CNTNAP5: variants seen among roughly 807,000 people sequenced by gnomAD.
CNTNAP5 encodes the protein contactin-associated protein-like 5.
Under a neutral mutation model 150.2 loss-of-function variants are expected in CNTNAP5, and 72 were observed. That is an observed-to-expected ratio of 0.48 (90% CI 0.40 to 0.58). The LOEUF (loss-of-function observed/expected upper bound fraction) is 0.58, where lower values mean the gene tolerates loss of function less well. CNTNAP5 is among the 20% of genes least tolerant of loss of function. CNTNAP5 has a pLI of 0.00. For missense variants in CNTNAP5, 1,636 were observed against 1,626.2 expected, an observed-to-expected ratio of 1.01 and a Z score of -0.10; for synonymous variants, 672 against 619.8, an observed-to-expected ratio of 1.08 and a Z score of -1.25.
chr2:124,341,540 G>A (rs1417198192), intron 3 of CNTNAP5, among the ~76,000 whole-genome samples: 4 of 152,150 alleles, frequency 2.6e-5, no homozygotes, highest in Non-Finnish European at 2.9e-5. Flanking sequence ...TCTGGGACTA[G>A]GTTGGTCCAA....
At chr2:124,656,317 G>A (rs73953151) in intron 13 of CNTNAP5, among the ~76,000 whole-genome samples, 2,011 of 152,208 alleles carry the variant, frequency 0.013, 45 homozygotes, top group African/African-American at 0.045. Flanking sequence ...AATTCATGTT[G>A]GAAATGGGTT....
At chr2:124,314,168 T>C (rs1211140799) in intron 3 of CNTNAP5, among the ~76,000 whole-genome samples, 2 of 152,176 alleles carry the variant, frequency 1.3e-5, no homozygotes, top group East Asian at 1.9e-4. Context: ...CTTTCAGACG[T>C]GCCGGCCTAG....
intron 1 of CNTNAP5, among the ~76,000 whole-genome samples, chr2:124,134,089 G>A (rs1351320292): frequency 2.0e-5 from 3 of 152,042 alleles, no homozygotes; most frequent in Admixed American, 6.6e-5. Flanking sequence ...TGTCACCCAA[G>A]CACATTTTGT....
chr2:124,036,114 C>T (rs868491094), intron 1 of CNTNAP5, among the ~76,000 whole-genome samples: 28 of 150,116 alleles, frequency 1.9e-4, no homozygotes, highest in Admixed American at 1.8e-3. Flanking sequence ...TTAGTAGAGA[C>T]GGGGTTTCAC....
At chr2:124,072,994 C>G (rs915597138) in intron 1 of CNTNAP5, among the ~76,000 whole-genome samples, 27 of 152,090 alleles carry the variant, frequency 1.8e-4, no homozygotes, top group African/African-American at 6.5e-4. Flanking sequence ...CAGCATGGTA[C>G]TGGAATAAAA....
intron 21 of CNTNAP5, among the ~76,000 whole-genome samples, chr2:124,901,428 G>C (rs757268618): frequency 2.7e-5 from 4 of 147,580 alleles, no homozygotes; most frequent in Non-Finnish European, 4.4e-5. Flanking sequence ...AGAATTATAG[G>C]TTGAAGTAAG....
chr2:124,404,983 T>C (rs1691532750), intron 3 of CNTNAP5, among the ~76,000 whole-genome samples: 1 of 150,658 alleles, frequency 6.6e-6, no homozygotes, highest in Non-Finnish European at 1.5e-5. Context: ...TATCTCATTA[T>C]AACTTTAAAA....
intron 3 of CNTNAP5, among the ~76,000 whole-genome samples, chr2:124,283,400 C>A (rs1688065091): frequency 6.6e-6 from 1 of 152,178 alleles, no homozygotes; most frequent in South Asian, 2.1e-4. Flanking sequence ...CTATCTGACC[C>A]TAGCATCTGC....
chr2:124,665,865 G>A (rs1390462380), intron 13 of CNTNAP5, among the ~76,000 whole-genome samples: 19 of 145,498 alleles, frequency 1.3e-4, no homozygotes, highest in African/African-American at 2.3e-4. Flanking sequence ...CGGCCTGGGC[G>A]ACAGAGCAAG....
At chr2:124,333,099 A>C (rs1263899486) in intron 3 of CNTNAP5, among the ~76,000 whole-genome samples, 1 of 152,080 alleles carries the variant, frequency 6.6e-6, no homozygotes, top group Non-Finnish European at 1.5e-5. Context: ...AGTAAAACTC[A>C]CTAGTTTAAA....
chr2:124,181,028 G>T (rs1477355344), intron 1 of CNTNAP5, among the ~76,000 whole-genome samples: 3 of 150,768 alleles, frequency 2.0e-5, no homozygotes, highest in Non-Finnish European at 4.4e-5. Flanking sequence ...TTTGAGAAAA[G>T]CCAGAATTTA....
At chr2:124,362,075 G>T (rs534325148) in intron 3 of CNTNAP5, among the ~76,000 whole-genome samples, 1 of 152,180 alleles carries the variant, frequency 6.6e-6, no homozygotes, top group African/African-American at 2.4e-5. Context: ...CGATTTTCCC[G>T]GTGCTGTCCG....
intron 13 of CNTNAP5, among the ~76,000 whole-genome samples, chr2:124,690,339 T>C (rs1464151492): frequency 6.6e-6 from 1 of 152,040 alleles, no homozygotes; most frequent in Non-Finnish European, 1.5e-5. Flanking sequence ...TCATGCATAG[T>C]TTTTCCTCTA....
intron 2 of CNTNAP5, among the ~76,000 whole-genome samples, chr2:124,231,226 A>T (rs1183910755): frequency 6.6e-6 from 1 of 152,144 alleles, no homozygotes; most frequent in Non-Finnish European, 1.5e-5. Context: ...TTTACTGTGG[A>T]TCTTAGGGGT....
chr2:124,419,152 A>AAAAACAAAAAAC (rs1692013409), intron 4 of CNTNAP5, among the ~76,000 whole-genome samples: 8 of 120,998 alleles, frequency 6.6e-5, no homozygotes, highest in Non-Finnish European at 1.5e-4. Context: ...AAAAAAAAAA[A>AAAAACAAAAAAC]AAAAAAAAAA....
At chr2:124,755,233 G>A (rs1481084000) in intron 14 of CNTNAP5, among the ~76,000 whole-genome samples, 1 of 151,742 alleles carries the variant, frequency 6.6e-6, no homozygotes, top group Non-Finnish European at 1.5e-5. Flanking sequence ...CATACCCTGA[G>A]GTTTCTATTA....
intron 3 of CNTNAP5, among the ~76,000 whole-genome samples, chr2:124,401,120 C>T (rs746128562): frequency 6.6e-6 from 1 of 152,182 alleles, no homozygotes; most frequent in Non-Finnish European, 1.5e-5. Flanking sequence ...CCTGTCTCGT[C>T]CTGCCAAATT....
intron 3 of CNTNAP5, among the ~76,000 whole-genome samples, chr2:124,283,369 G>A (rs1006104814): frequency 2.6e-5 from 4 of 152,196 alleles, no homozygotes; most frequent in African/African-American, 9.6e-5. Flanking sequence ...AGTCTTGCCA[G>A]CTCAGGGGCA....
At chr2:124,738,358 A>G (rs1228212084) in intron 13 of CNTNAP5, among the ~76,000 whole-genome samples, 1 of 152,158 alleles carries the variant, frequency 6.6e-6, no homozygotes, top group Admixed American at 6.6e-5. Context: ...TCAGTTCCTA[A>G]AGATTTATAA....
Sources: allele counts gnomAD v4.1 joint callset (sites outside exome capture counted in the v4.1 genomes callset), GRCh38; gene constraint gnomAD v4.1.1; transcripts MANE v1.5; gene names NCBI Gene and HGNC (gene_info 2026-07-23, HGNC 2026-07-21).